The following GPC5 variants were observed in gnomAD, a reference collection of about 807,000 sequenced individuals.
GPC5 encodes the protein glypican 5.
Under a neutral mutation model 53.9 loss-of-function variants are expected in GPC5, and 47 were observed. The observed-to-expected ratio is 0.87, with a 90% CI of 0.69 to 1.11. The LOEUF (loss-of-function observed/expected upper bound fraction) is 1.11, where lower values mean the gene tolerates loss of function less well. GPC5 is among the 50% of genes most tolerant of loss of function. GPC5 has a pLI of 0.00. For synonymous variants in GPC5, 286 were observed against 263.3 expected, an observed-to-expected ratio of 1.09 and a Z score of -0.84; for missense variants, 748 against 713.1, an observed-to-expected ratio of 1.05 and a Z score of -0.56.
At chr13:92,645,948 C>T (rs61975892) in intron 7 of GPC5, among the ~76,000 whole-genome samples, 38,014 of 151,730 alleles carry the variant, frequency 0.25, 5,258 homozygotes, top group South Asian at 0.39. Flanking sequence ...ATATGATTTG[C>T]AAATATTTTC....
chr13:91,776,887 T>G (rs9560854), intron 5 of GPC5, among the ~76,000 whole-genome samples: 57,029 of 152,098 alleles, frequency 0.37, 12,098 homozygotes, highest in East Asian at 0.65. Flanking sequence ...CCTGTCATCA[T>G]GCAACCATCA....
intron 7 of GPC5, among the ~76,000 whole-genome samples, chr13:92,652,634 A>G (rs1885993890): frequency 6.6e-6 from 1 of 152,168 alleles, no homozygotes; most frequent in South Asian, 2.1e-4. Flanking sequence ...CCTAATCTCA[A>G]TGTCGTTACC....
At chr13:91,959,229 C>T (rs1361122053) in intron 6 of GPC5, among the ~76,000 whole-genome samples, 1 of 151,860 alleles carries the variant, frequency 6.6e-6, no homozygotes, top group Non-Finnish European at 1.5e-5. Flanking sequence ...AACACTTCAG[C>T]TGATACCACA....
At chr13:92,274,701 A>C (rs745419266) in intron 7 of GPC5, among the ~76,000 whole-genome samples, 4 of 152,170 alleles carry the variant, frequency 2.6e-5, no homozygotes, top group Non-Finnish European at 5.9e-5. Flanking sequence ...TGTCAATAGC[A>C]CGTGACCCTC....
At chr13:92,752,424 T>A (rs908445314) in intron 7 of GPC5, among the ~76,000 whole-genome samples, 7 of 152,332 alleles carry the variant, frequency 4.6e-5, no homozygotes, top group Admixed American at 1.3e-4. Flanking sequence ...TGCACTAAGT[T>A]GATGGAATTG....
chr13:92,258,055 G>A (rs142460218), intron 7 of GPC5, among the ~76,000 whole-genome samples: 1 of 152,094 alleles, frequency 6.6e-6, no homozygotes, highest in African/African-American at 2.4e-5. Context: ...TGCCTCTCAA[G>A]TATTTGTTGA....
intron 7 of GPC5, among the ~76,000 whole-genome samples, chr13:92,636,656 A>G (rs1885413246): frequency 6.6e-6 from 1 of 152,064 alleles, no homozygotes; most frequent in African/African-American, 2.4e-5. Flanking sequence ...CATTGTCCGT[A>G]ATTTTATATA....
chr13:91,843,635 A>AG (rs1160478248), intron 5 of GPC5, among the ~76,000 whole-genome samples: 2 of 152,156 alleles, frequency 1.3e-5, no homozygotes, highest in Admixed American at 6.5e-5. Context: ...GCTCTTAAAT[A>AG]GGGGGGTCAT....
intron 7 of GPC5, among the ~76,000 whole-genome samples, chr13:92,185,192 G>A (rs767349666): frequency 1.3e-5 from 2 of 152,074 alleles, no homozygotes; most frequent in Non-Finnish European, 1.5e-5. Flanking sequence ...ACCTTTATCA[G>A]CTTCAGTTAG....
intron 7 of GPC5, among the ~76,000 whole-genome samples, chr13:92,639,572 T>C (rs934345354): frequency 6.6e-6 from 1 of 152,230 alleles, no homozygotes; most frequent in Non-Finnish European, 1.5e-5. Flanking sequence ...TTTATCACAG[T>C]GATCTGTGGT....
intron 3 of GPC5, among the ~76,000 whole-genome samples, chr13:91,700,931 T>G (rs1459997588): frequency 6.6e-6 from 1 of 152,196 alleles, no homozygotes; most frequent in Non-Finnish European, 1.5e-5. Flanking sequence ...AATTTCTGAT[T>G]GAATTTTATG....
intron 7 of GPC5, among the ~76,000 whole-genome samples, chr13:92,815,496 A>G (rs1004590306): frequency 6.6e-6 from 1 of 151,972 alleles, no homozygotes; most frequent in Admixed American, 6.6e-5. Flanking sequence ...AGGGCAGACT[A>G]ATAGTCATAG....
chr13:91,879,066 G>A lies in GPC5; in HGVS notation c.1281-28871G>A, dbSNP rs567262481. Reference sequence around the variant, plus strand: ...TGTTTTTTATATGGCACATATCACAGAGAACTTATAACTGAAGTATTAGTT... The same window carrying A: ...TGTTTTTTATATGGCACATATCACAAAGAACTTATAACTGAAGTATTAGTT... On this transcript the variant is annotated intron_variant, in intron 5 of 7. Coordinates refer to ENST00000377067, the MANE Select transcript of GPC5 (RefSeq NM_004466.6). Among the ~76,000 whole-genome samples the A allele has an allele frequency of 6.6e-5, 10 of 151,948 alleles. No individual in the cohort carries two copies. The South Asian group carries it at 1.5e-3, about 22-fold the overall frequency.
intron 5 of GPC5, among the ~76,000 whole-genome samples, chr13:91,764,659 T>C (rs1401878114): frequency 6.6e-6 from 1 of 152,216 alleles, no homozygotes; most frequent in Non-Finnish European, 1.5e-5. Context: ...CCAGTTAGGT[T>C]CTGCTTCAGT....
At chr13:92,513,713 C>T (rs897886504) in intron 7 of GPC5, among the ~76,000 whole-genome samples, 9 of 152,184 alleles carry the variant, frequency 5.9e-5, no homozygotes, top group African/African-American at 1.9e-4. Flanking sequence ...GGAATGTGTG[C>T]ATATGCATAA....
intron 7 of GPC5, among the ~76,000 whole-genome samples, chr13:92,629,512 A>T (rs1176835451): frequency 6.6e-6 from 1 of 152,166 alleles, no homozygotes; most frequent in East Asian, 1.9e-4. Flanking sequence ...TTTAACTTGT[A>T]CTGTCATAAA....
At chr13:91,611,428 C>T (rs1285184417) in intron 2 of GPC5, among the ~76,000 whole-genome samples, 1 of 152,172 alleles carries the variant, frequency 6.6e-6, no homozygotes. Flanking sequence ...TAGTTGGCTT[C>T]AATTTCTCAC....
At chr13:92,524,411 G>GA (rs1169487282) in intron 7 of GPC5, among the ~76,000 whole-genome samples, 2 of 151,850 alleles carry the variant, frequency 1.3e-5, no homozygotes, top group African/African-American at 4.8e-5. Context: ...TAATGGTAAG[G>GA]AAAAAAAGTC....
At chr13:92,489,531 GT>G (rs1879681622) in intron 7 of GPC5, among the ~76,000 whole-genome samples, 1 of 152,104 alleles carries the variant, frequency 6.6e-6, no homozygotes, top group South Asian at 2.1e-4. Context: ...TATGGACAGG[GT>G]TACTCGAAAG....
Sources: allele counts gnomAD v4.1 joint callset (sites outside exome capture counted in the v4.1 genomes callset), GRCh38; gene constraint gnomAD v4.1.1; transcripts MANE v1.5; gene names NCBI Gene and HGNC (gene_info 2026-07-23, HGNC 2026-07-21).